Variants in KLB observed in about 807,000 individuals in gnomAD.
The protein encoded by KLB is klotho beta.
A neutral mutation model predicts 88.4 loss-of-function variants in KLB; 44 were observed. That is an observed-to-expected ratio of 0.50 (90% CI 0.39 to 0.64). The LOEUF is 0.64. Among genes scored for constraint, KLB ranks in the 30% least tolerant of loss-of-function variants. The pLI is 0.00. For synonymous variants in KLB, 548 were observed against 513.4 expected, an observed-to-expected ratio of 1.07 and a Z score of -0.91; for missense variants, 1,137 against 1,304.8, an observed-to-expected ratio of 0.87 and a Z score of 1.98.
Position 39,409,747 on chromosome 4 carries a change from G to T in KLB, c.825+1973G>T, listed in dbSNP as rs368913378. 1.3e-4 allele frequency among the ~76,000 whole-genome samples: 19 copies of T among 151,124 alleles called. 1 individual carries two copies. The highest frequency in any genetic ancestry group is 4.2e-4 in the South Asian group (2 of 4,710). ...TTGAGACCAGCCTCGCCAACATAGT[G>T]AAACCCTCTCTACTGAAAACACAAA... On this transcript the variant is annotated intron_variant, in intron 1 of 4. Transcript: ENST00000257408.
chr4:39,423,275 T>TA (rs34193645), intron 1 of KLB, among the ~76,000 whole-genome samples: 49,807 of 151,686 alleles, frequency 0.33, 10,022 homozygotes, highest in South Asian at 0.57. Context: ...CTTGGACAAC[T>TA]AATGGTTTTC....
chr4:39,431,392 T>A (rs1004988510), intron 1 of KLB, among the ~76,000 whole-genome samples: 1 of 152,064 alleles, frequency 6.6e-6, no homozygotes, highest in East Asian at 1.9e-4. Context: ...GCTGGGATTA[T>A]AGGCATGCGC....
At chr4:39,428,362 A>T (rs902764450) in intron 1 of KLB, among the ~76,000 whole-genome samples, 1 of 151,502 alleles carries the variant, frequency 6.6e-6, no homozygotes, top group Admixed American at 6.6e-5. Context: ...CAGGAGGTGG[A>T]GGTTGCAGTG....
At chr4:39,429,986 T>C (rs1160104351) in intron 1 of KLB, among the ~76,000 whole-genome samples, 1 of 152,198 alleles carries the variant, frequency 6.6e-6, no homozygotes, top group East Asian at 1.9e-4. Context: ...AGAGACACTG[T>C]GGAACGTGAA....
At chr4:39,445,975 A>G (rs1199472907) in intron 3 of KLB, among the ~76,000 whole-genome samples, 1 of 140,548 alleles carries the variant, frequency 7.1e-6, no homozygotes, top group African/African-American at 2.5e-5. Flanking sequence ...CTTTGTCTTC[A>G]ATTTATGGCA....
chr4:39,414,100 A>T (rs1742916291), intron 1 of KLB, among the ~76,000 whole-genome samples: 1 of 151,914 alleles, frequency 6.6e-6, no homozygotes, highest in African/African-American at 2.4e-5. Flanking sequence ...CCTCCCCCTC[A>T]CTCCACCTTT....
At chr4:39,444,018 A>G (rs751382877) in intron 3 of KLB, among the ~76,000 whole-genome samples, 1 of 151,970 alleles carries the variant, frequency 6.6e-6, no homozygotes, top group Non-Finnish European at 1.5e-5. Context: ...CTAGCCAGGC[A>G]TGGTGGCTGG....
chr4:39,423,075 A>T lies in KLB; in HGVS notation c.826-11135A>T, dbSNP rs192626684. On this transcript the variant is annotated intron_variant, in intron 1 of 4. Coordinates refer to ENST00000257408, the MANE Select transcript of KLB (RefSeq NM_175737.4). ...AGCCACCGCTCCCGGCCTCAGTCTA[A>T]CATTGACAATGGTGTAAAGATCACC... Among the ~76,000 whole-genome samples the T allele has an allele frequency of 3.3e-5, 5 of 151,930 alleles. No homozygotes were observed. In the East Asian group the frequency reaches 5.8e-4, roughly 18 times the overall value.
intron 1 of KLB, among the ~76,000 whole-genome samples, chr4:39,418,833 A>T (rs948687601): frequency 6.6e-6 from 1 of 151,784 alleles, no homozygotes; most frequent in Admixed American, 6.6e-5. Context: ...CTGAAATTCC[A>T]GCTACTTGTG....
chr4:39,418,595 T>C (rs1743012474), intron 1 of KLB, among the ~76,000 whole-genome samples: 1 of 151,768 alleles, frequency 6.6e-6, no homozygotes, highest in East Asian at 1.9e-4. Flanking sequence ...GGTACCTGCA[T>C]ATAATGCCAA....
At chr4:39,433,608 C>T (rs1743407828) in intron 1 of KLB, among the ~76,000 whole-genome samples, 1 of 152,110 alleles carries the variant, frequency 6.6e-6, no homozygotes, top group Non-Finnish European at 1.5e-5. Context: ...GCCTGTAATC[C>T]CAACACTTTG....
In KLB at chr4:39,446,877, G is replaced by A. The variant is rs1380422677; in HGVS notation, c.2151G>A (p.Val717=). The A allele has an allele frequency of 1.2e-6, 2 of 1,609,140 alleles. No homozygotes were observed. Among genetic ancestry groups the A allele is most frequent in the Admixed American group, 1.7e-5 (1 of 59,952 alleles). Reference sequence around the variant, plus strand: ...ACGGGGCGGCGCACAACCTGCTGGTGGCCCACGCCCTGGCCTGGCGCCTCT... The same window carrying A: ...ACGGGGCGGCGCACAACCTGCTGGTAGCCCACGCCCTGGCCTGGCGCCTCT... ...DTYGAAHNLL[V]AHALAWRLYD... is the part of the protein sequence containing the mutation. Residue 717 remains valine, a synonymous_variant, in exon 4 of 5, where the codon GTG becomes GTA. Transcript: ENST00000257408. This position sits in a 1 kb window ranked among gnomAD's most constrained non-coding sequence, Gnocchi z 6.4.
At chr4:39,439,569 G>A (rs889981834) in intron 3 of KLB, among the ~76,000 whole-genome samples, 8 of 151,388 alleles carry the variant, frequency 5.3e-5, no homozygotes, top group Admixed American at 3.3e-4. Context: ...CAGTTCAAAC[G>A]ATTCTCCTGC....
At chr4:39,442,085 A>C (rs1743610156) in intron 3 of KLB, among the ~76,000 whole-genome samples, 1 of 152,066 alleles carries the variant, frequency 6.6e-6, no homozygotes, top group African/African-American at 2.4e-5. Context: ...CTACAAAAAA[A>C]ACTGGGTGTG....
At position 39,421,864 on chromosome 4, in the gene KLB, C is replaced by T. The variant is rs182794326; in HGVS notation, c.826-12346C>T. On this transcript the variant is annotated intron_variant, in intron 1 of 4. Coordinates refer to ENST00000257408, the MANE Select transcript of KLB (RefSeq NM_175737.4). Reference sequence around the variant, plus strand: ...GGCTCAAGCAATTCTCCTGCCTCAGCCTCCCAAGTAGCTGGGATAACAGGC... The same window carrying T: ...GGCTCAAGCAATTCTCCTGCCTCAGTCTCCCAAGTAGCTGGGATAACAGGC... Among the ~76,000 whole-genome samples, 1,228 of 152,310 alleles carry T rather than the reference C, an allele frequency of 8.1e-3. 12 individuals carry two copies. The highest frequency in any genetic ancestry group is 0.028 in the African/African-American group (1,164 of 41,570).
chr4:39,412,944 T>C (rs938717443), intron 1 of KLB, among the ~76,000 whole-genome samples: 3 of 152,232 alleles, frequency 2.0e-5, no homozygotes, highest in Non-Finnish European at 4.4e-5. Flanking sequence ...ATATTACTGA[T>C]ATTAATCGGG....
At chr4:39,439,002 T>TG (rs1743538100) in intron 3 of KLB, among the ~76,000 whole-genome samples, 1 of 148,872 alleles carries the variant, frequency 6.7e-6, no homozygotes, top group Non-Finnish European at 1.5e-5. Context: ...CTCTACTTCA[T>TG]CTTTTTTTTT....
intron 1 of KLB, among the ~76,000 whole-genome samples, chr4:39,431,409 G>A (rs7661026): frequency 0.094 from 14,229 of 152,072 alleles, 1,846 homozygotes; most frequent in African/African-American, 0.29. Context: ...GCGCCACCAC[G>A]ACCGGCTAAT....
rs924099905 is a variant in KLB at position 39,446,125 on chromosome 4, A to G, written c.1606-207A>G. Among the ~76,000 whole-genome samples, 8 of 152,148 alleles carry G rather than the reference A, an allele frequency of 5.3e-5. No homozygotes were observed. Among genetic ancestry groups the G allele is most frequent in the Admixed American group, 3.3e-4 (5 of 15,278 alleles). On this transcript the variant is annotated intron_variant, in intron 3 of 4. Transcript: ENST00000257408. This position sits in a 1 kb window ranked among gnomAD's most constrained non-coding sequence, Gnocchi z 6.4. ...AAATGAACTGGAAAATGGCTTCCCAATGTTTTCTCAAACAACTTGTTTTCC... is the reference window on the plus strand; with the variant it reads ...AAATGAACTGGAAAATGGCTTCCCAGTGTTTTCTCAAACAACTTGTTTTCC...
Sources: gnomAD v4.1 joint callset for allele counts (sites outside exome capture counted in the v4.1 genomes callset) on GRCh38, gnomAD v4.1.1 for gene constraint, Gnocchi (gnomAD v3.1) non-coding constraint, MANE v1.5 for transcripts, NCBI Gene and HGNC (gene_info 2026-07-23, HGNC 2026-07-21) for gene names.